GALNT9: variants seen among roughly 807,000 people sequenced by gnomAD.
GALNT9 encodes the protein GalNAc transferase 9.
A neutral mutation model predicts 63.1 loss-of-function variants in GALNT9; 47 were observed. The observed-to-expected ratio is 0.75, with a 90% confidence interval of 0.59 to 0.95. GALNT9 has a LOEUF of 0.95. Among genes scored for constraint, GALNT9 ranks in the 40% least tolerant of loss-of-function variants. The pLI is 0.00. For synonymous variants in GALNT9, 396 were observed against 365.7 expected, an observed-to-expected ratio of 1.08 and a Z score of -0.94; for missense variants, 829 against 874.8, an observed-to-expected ratio of 0.95 and a Z score of 0.66.
chr12:132,325,402 G>T (rs1254066673), intron 1 of GALNT9, among the ~76,000 whole-genome samples: 1 of 152,184 alleles, frequency 6.6e-6, no homozygotes, highest in South Asian at 2.1e-4. Context: ...CACGAGCGAG[G>T]TGTCACACAG....
intron 2 of GALNT9, among the ~76,000 whole-genome samples, chr12:132,285,464 G>C (rs1015564042): frequency 1.3e-5 from 2 of 152,266 alleles, no homozygotes; most frequent in Non-Finnish European, 2.9e-5. Context: ...GCAGGTGTGA[G>C]GGTCAGCGAC....
chr12:132,308,160 G>A (rs1293745964), intron 1 of GALNT9, among the ~76,000 whole-genome samples: 1 of 152,216 alleles, frequency 6.6e-6, no homozygotes, highest in East Asian at 1.9e-4. Context: ...GGCCAACGGC[G>A]CCTGGAGCCC....
At chr12:132,250,196 G>GA (rs1555238412) in intron 5 of GALNT9, among the ~76,000 whole-genome samples, 1 of 152,164 alleles carries the variant, frequency 6.6e-6, no homozygotes, top group Non-Finnish European at 1.5e-5. Flanking sequence ...GCAAGAGGTT[G>GA]CCCCCCGTGT....
intron 1 of GALNT9, among the ~76,000 whole-genome samples, chr12:132,299,775 C>T (rs940599135): frequency 5.0e-5 from 7 of 138,836 alleles, no homozygotes; most frequent in Admixed American, 2.9e-4. Flanking sequence ...CCTGAGATGA[C>T]CAACCCACTC....
chr12:132,204,329 C>T (rs774613060), intron 6 of GALNT9, among the ~76,000 whole-genome samples: 8 of 152,186 alleles, frequency 5.3e-5, no homozygotes, highest in Non-Finnish European at 5.9e-5. Context: ...TGTCCCCCCG[C>T]GCTGTCCTGC....
intron 1 of GALNT9, among the ~76,000 whole-genome samples, chr12:132,297,148 A>G (rs1881103864): frequency 1.3e-5 from 2 of 151,036 alleles, no homozygotes; most frequent in Non-Finnish European, 3.0e-5. Flanking sequence ...ACTCACTCCC[A>G]AGATACCCAA....
chr12:132,228,382 C>A (rs1197460054), intron 6 of GALNT9, among the ~76,000 whole-genome samples: 1 of 142,308 alleles, frequency 7.0e-6, no homozygotes, highest in Non-Finnish European at 1.6e-5. Context: ...AGGGTGATAC[C>A]TCTTTGCCTC....
At chr12:132,253,276 A>G (rs1201753925) in intron 5 of GALNT9, among the ~76,000 whole-genome samples, 1 of 151,936 alleles carries the variant, frequency 6.6e-6, no homozygotes, top group Non-Finnish European at 1.5e-5. Flanking sequence ...GCAGGCCTGG[A>G]GAATATCCAG....
intron 2 of GALNT9, among the ~76,000 whole-genome samples, chr12:132,267,765 ATG>A (rs1879665553): frequency 2.3e-5 from 3 of 128,782 alleles, no homozygotes; most frequent in African/African-American, 1.5e-4. Flanking sequence ...TCACACACAC[ATG>A]CACTCACACA....
rs1344296395 is a variant in GALNT9 at position 132,286,472 on chromosome 12, A to G, written c.239-42T>C. On this transcript the variant is annotated intron_variant, in intron 1 of 10. Transcript: ENST00000328957. The surrounding 1 kb of genome is among the most constrained non-coding windows in gnomAD (Gnocchi z 7.4). ...GAGGGAGGTCAGGCAGGCCCAGGAC[A>G]CGCTGCGTCTGCACCCAGGAGACGC... The G allele has an allele frequency of 6.6e-7, 1 of 1,520,340 alleles. No individual in the cohort carries two copies. Among genetic ancestry groups the G allele is most frequent in the Non-Finnish European group, 8.8e-7 (1 of 1,132,848 alleles). 94.2% of individuals were successfully genotyped at this position (1,520,340 alleles called of 1,614,324 possible).
intron 6 of GALNT9, among the ~76,000 whole-genome samples, chr12:132,227,929 C>T (rs1319932161): frequency 2.0e-5 from 3 of 152,134 alleles, no homozygotes; most frequent in Non-Finnish European, 4.4e-5. Flanking sequence ...CTCGGTTTCC[C>T]CATCTGTCTC....
intron 1 of GALNT9, among the ~76,000 whole-genome samples, chr12:132,318,097 C>G (rs1555245846): frequency 6.6e-6 from 1 of 152,142 alleles, no homozygotes. Flanking sequence ...CAAAAATTAG[C>G]CGGGCATGGT....
chr12:132,282,818 T>C lies in GALNT9; in HGVS notation c.419+3432A>G, dbSNP rs1419744601. On this transcript the variant is annotated intron_variant, in intron 2 of 10. Coordinates refer to ENST00000328957, the MANE Select transcript of GALNT9 (RefSeq NM_001122636.2). This position sits in a 1 kb window ranked among gnomAD's most constrained non-coding sequence, Gnocchi z 4.5. ...GGCGGGATCTGCAGCTGGGCTGAAA[T>C]GGATCAGAGCGGGGGGTGTGGACTT... 1.3e-5 allele frequency: 2 copies of C among 152,302 alleles called. No individual in the cohort carries two copies. The highest frequency in any genetic ancestry group is 2.9e-5 in the Non-Finnish European group (2 of 68,202). The allele number at this position is 152,302 out of a possible 1,614,324, so 9.4% of individuals were successfully genotyped here.
chr12:132,266,962 C>T (rs894541252), intron 2 of GALNT9, among the ~76,000 whole-genome samples: 9 of 152,138 alleles, frequency 5.9e-5, no homozygotes, highest in African/African-American at 4.8e-5. Context: ...AGCATCCTGG[C>T]GTCTCTGAGA....
intron 1 of GALNT9, among the ~76,000 whole-genome samples, chr12:132,326,293 T>G (rs1555246516): frequency 6.6e-6 from 1 of 152,262 alleles, no homozygotes; most frequent in Non-Finnish European, 1.5e-5. Context: ...ACTGAAGATA[T>G]TCAGAAGGGT....
chr12:132,237,166 T>C (rs1432202215), intron 6 of GALNT9, among the ~76,000 whole-genome samples: 9 of 152,124 alleles, frequency 5.9e-5, no homozygotes, highest in Admixed American at 5.9e-4. Flanking sequence ...GCTGGTTGGC[T>C]GTGTCCTGAC....
chr12:132,204,240 C>T (rs982808600), intron 6 of GALNT9, among the ~76,000 whole-genome samples: 2 of 152,288 alleles, frequency 1.3e-5, no homozygotes, highest in East Asian at 1.9e-4. Flanking sequence ...TTTGTCACTG[C>T]GTATCCTTTT....
chr12:132,235,689 G>C (rs1433892199), intron 6 of GALNT9, among the ~76,000 whole-genome samples: 2 of 151,022 alleles, frequency 1.3e-5, no homozygotes, highest in South Asian at 4.2e-4. Flanking sequence ...AGGGTCCCCC[G>C]GGCTGGAGTT....
chr12:132,293,115 A>G (rs1880923528), intron 1 of GALNT9, among the ~76,000 whole-genome samples: 1 of 152,108 alleles, frequency 6.6e-6, no homozygotes, highest in African/African-American at 2.4e-5. Context: ...CGAGCCGGCC[A>G]GGCCTCAACC....
Sources: gnomAD v4.1 joint callset for allele counts (sites outside exome capture counted in the v4.1 genomes callset) on GRCh38, gnomAD v4.1.1 for gene constraint, Gnocchi (gnomAD v3.1) non-coding constraint, MANE v1.5 for transcripts, NCBI Gene and HGNC (gene_info 2026-07-23, HGNC 2026-07-21) for gene names.